ETFA: variants seen among roughly 807,000 people sequenced by gnomAD.
ETFA encodes electron transfer flavoprotein subunit alpha.
Under a neutral mutation model 46.2 loss-of-function variants are expected in ETFA, and 22 were observed. That is an observed-to-expected ratio of 0.48 (90% CI 0.34 to 0.68). The LOEUF (loss-of-function observed/expected upper bound fraction) is 0.68, where lower values mean the gene tolerates loss of function less well. Among genes scored for constraint, ETFA ranks in the 30% least tolerant of loss-of-function variants. The pLI is 0.01. For missense variants in ETFA, 345 were observed against 401.1 expected, an observed-to-expected ratio of 0.86 and a Z score of 1.19; for synonymous variants, 131 against 139.9, an observed-to-expected ratio of 0.94 and a Z score of 0.45.
chr15:76,284,454 G>A lies in ETFA; in HGVS notation c.665-629C>T, dbSNP rs755637803. ...AGCCTGACCAACATGCAGAACCTCC[G>A]TCTCTACTAAAAATACAAAATTATT... On this transcript the variant is annotated intron_variant, in intron 7 of 11. Coordinates refer to ENST00000557943, the MANE Select transcript of ETFA (RefSeq NM_000126.4). 6 of 209,698 alleles carry A rather than the reference G, an allele frequency of 2.9e-5. No homozygotes were observed. The South Asian group carries it at 3.9e-4, about 13-fold the overall frequency. 13.0% of individuals were successfully genotyped at this position (209,698 alleles called of 1,614,324 possible).
intron 9 of ETFA, among the ~76,000 whole-genome samples, chr15:76,240,307 T>C (rs781007575): frequency 4.6e-5 from 7 of 152,214 alleles, no homozygotes; most frequent in Non-Finnish European, 1.0e-4. Flanking sequence ...TTTTTAGTGA[T>C]AGAATATGTA....
chr15:76,307,055 T>C (rs79172652), intron 1 of ETFA, among the ~76,000 whole-genome samples: 2,204 of 152,324 alleles, frequency 0.014, 52 homozygotes, highest in African/African-American at 0.051. Flanking sequence ...TCAGTCCTGA[T>C]AGATATTCCT....
chr15:76,274,362 G>A, intron 9 of ETFA, 50 bp downstream of exon 9: 2 of 1,345,392 alleles, frequency 1.5e-6, no homozygotes, highest in Non-Finnish European at 2.1e-6. Flanking sequence ...AATACATACA[G>A]TACTTATCCC....
At chr15:76,284,950 G>A (rs1476944158) in intron 7 of ETFA, 9 of 397,202 alleles carry the variant, frequency 2.3e-5, no homozygotes, top group Non-Finnish European at 3.0e-5. Flanking sequence ...AAAAGAAAAC[G>A]AAAAACAAGT....
intron 9 of ETFA, chr15:76,261,181 C>T (rs1164322274): frequency 6.5e-7 from 1 of 1,536,198 alleles, no homozygotes; most frequent in East Asian, 2.3e-5. Context: ...CTTCGTAGTT[C>T]CTCTCCACCA....
rs750192285 is a variant in ETFA at position 76,225,861 on chromosome 15, T to C, written c.951A>G (p.Ala317=). ...IFQVADYGIV[A]DLFKVVPEMT... The stretch of plus-strand genomic sequence containing the variant: ...AAGGCCAGCTTACCTTAAATAAATC[T>C]GCAACTATTCCATAATCTGCCACTT... Residue 317 remains alanine (A), a synonymous_variant, in exon 11 of 12, where the codon GCA becomes GCG. Transcript: ENST00000557943. The C allele has an allele frequency of 1.2e-6, 2 of 1,605,372 alleles. No individual in the cohort carries two copies. Among genetic ancestry groups the C allele is most frequent in the East Asian group, 4.5e-5 (2 of 44,760 alleles).
At chr15:76,274,379 A>G (rs760296641) in intron 9 of ETFA, 33 bp downstream of exon 9, 3 of 1,494,572 alleles carry the variant, frequency 2.0e-6, no homozygotes, top group Non-Finnish European at 2.8e-6. Context: ...TCCCCATAAC[A>G]TTTTACACAG....
intron 9 of ETFA, chr15:76,245,291 C>T (rs1167279943): frequency 1.3e-5 from 2 of 152,186 alleles, no homozygotes; most frequent in African/African-American, 4.8e-5. Flanking sequence ...AATGCACTCA[C>T]ATATGAATAT....
chr15:76,307,568 C>T (rs1471020571), intron 1 of ETFA, among the ~76,000 whole-genome samples: 2 of 151,874 alleles, frequency 1.3e-5, no homozygotes, highest in African/African-American at 4.8e-5. Context: ...CTCAATGCAG[C>T]CTCAAATGCC....
chr15:76,229,406 A>C (rs1175327842), intron 10 of ETFA, among the ~76,000 whole-genome samples: 1 of 152,162 alleles, frequency 6.6e-6, no homozygotes, highest in Non-Finnish European at 1.5e-5. Context: ...TCCTTACTTC[A>C]ACTGTTCCCT....
chr15:76,296,793 C>A (rs1177170346), intron 1 of ETFA, among the ~76,000 whole-genome samples: 1 of 152,106 alleles, frequency 6.6e-6, no homozygotes, highest in African/African-American at 2.4e-5. Flanking sequence ...CAAGAATGGT[C>A]CCTGTATATT....
chr15:76,305,858 A>AATT lies in ETFA; in HGVS notation c.39+5491_39+5492insAAT, dbSNP rs2039933774. Among the ~76,000 whole-genome samples the AATT allele has an allele frequency of 3.4e-5, 4 of 117,588 alleles. No homozygotes were observed. The South Asian group carries it at 1.1e-3, about 32-fold the overall frequency. The allele number at this position is 117,588 out of a possible 152,430, so 77.1% of individuals were successfully genotyped here. ...GGTCCTTCTCTTTTTCAACCTCAAT[A>AATT]GTTGTTTTTTTTTTTTTCTTGTGGG... On this transcript the variant is annotated intron_variant, in intron 1 of 11. Transcript: ENST00000557943.
chr15:76,283,472 G>A (rs900196729), intron 8 of ETFA, among the ~76,000 whole-genome samples: 1 of 152,172 alleles, frequency 6.6e-6, no homozygotes, highest in Non-Finnish European at 1.5e-5. Context: ...GATTACAGGT[G>A]TGTGTCACTG....
chr15:76,270,080 T>A (rs1190014446), intron 9 of ETFA, among the ~76,000 whole-genome samples: 1 of 152,090 alleles, frequency 6.6e-6, no homozygotes, highest in Non-Finnish European at 1.5e-5. Flanking sequence ...AAACACCAAA[T>A]GGTGAAAATG....
intron 11 of ETFA, among the ~76,000 whole-genome samples, chr15:76,216,868 C>T (rs1367978094): frequency 2.8e-5 from 2 of 71,422 alleles, no homozygotes; most frequent in Non-Finnish European, 5.2e-5. Context: ...TTTTTTGAGA[C>T]AGGCTCTCAC....
intron 10 of ETFA, among the ~76,000 whole-genome samples, chr15:76,229,624 C>G (rs1286949242): frequency 8.5e-5 from 13 of 152,116 alleles, no homozygotes; most frequent in Admixed American, 7.9e-4. Flanking sequence ...TTTATTTTTT[C>G]TTAATGCAGC....
At chr15:76,306,093 A>G (rs1373417278) in intron 1 of ETFA, among the ~76,000 whole-genome samples, 1 of 151,900 alleles carries the variant, frequency 6.6e-6, no homozygotes, top group Non-Finnish European at 1.5e-5. Flanking sequence ...TTCACATAGT[A>G]AAGTACCACA....
chr15:76,259,685 G>A (rs2039383501), intron 9 of ETFA: 1 of 1,102,328 alleles, frequency 9.1e-7, no homozygotes, highest in Non-Finnish European at 1.4e-6. Context: ...GATCTTCCAG[G>A]AGAGTCCAAA....
At chr15:76,259,863 C>T (rs1295644527) in intron 9 of ETFA, 3 of 1,367,660 alleles carry the variant, frequency 2.2e-6, no homozygotes, top group East Asian at 2.3e-5. Flanking sequence ...AGCAGGAAGG[C>T]GTGCAGGTCC....
Sources: allele counts gnomAD v4.1 joint callset (sites outside exome capture counted in the v4.1 genomes callset), GRCh38; gene constraint gnomAD v4.1.1; transcripts MANE v1.5; gene names NCBI Gene and HGNC (gene_info 2026-07-23, HGNC 2026-07-21).